Variants in CNTLN observed in about 807,000 individuals in gnomAD.
CNTLN encodes centlein, centrosomal protein.
In CNTLN, 212 loss-of-function variants were observed where a neutral mutation model predicts 180.0. That is an observed-to-expected ratio of 1.18 (90% CI 1.05 to 1.32). The LOEUF (loss-of-function observed/expected upper bound fraction) is 1.32, where lower values mean the gene tolerates loss of function less well. CNTLN is among the 40% of genes most tolerant of loss of function. The probability of loss-of-function intolerance (pLI) is 0.00; values close to 1 mark genes in which losing one functional copy is unlikely to be tolerated. For synonymous variants in CNTLN, 722 were observed against 563.1 expected (o/e 1.28, Z -3.99); for missense variants, 2,095 against 1,610.9 (o/e 1.30, Z -5.14).
intron 12 of CNTLN, among the ~76,000 whole-genome samples, chr9:17,348,388 A>T (rs1161314231): frequency 6.6e-6 from 1 of 152,138 alleles, no homozygotes; most frequent in Non-Finnish European, 1.5e-5. Flanking sequence ...TCACGTCAAT[A>T]CTACTAGGAA....
intron 8 of CNTLN, among the ~76,000 whole-genome samples, chr9:17,312,365 T>TATATA (rs1563984878): frequency 2.8e-4 from 2 of 7,210 alleles, no homozygotes; most frequent in African/African-American, 4.6e-4. Context: ...ATATATATAT[T>TATATA]ATATATATAT....
At chr9:17,209,173 TTCA>T (rs1056960352) in intron 2 of CNTLN, among the ~76,000 whole-genome samples, 4 of 152,190 alleles carry the variant, frequency 2.6e-5, no homozygotes, top group Non-Finnish European at 4.4e-5. Context: ...TCTTAATTTC[TTCA>T]TCGTCATTCA....
At chr9:17,168,647 T>C (rs1165360161) in intron 2 of CNTLN, 1 of 152,256 alleles carries the variant, frequency 6.6e-6, no homozygotes, top group Non-Finnish European at 1.5e-5. Context: ...ATTTATTATT[T>C]TGAAACTCTT....
chr9:17,511,671 C>T, the CNTLN span, among the ~76,000 whole-genome samples: 9 of 151,496 alleles, frequency 5.9e-5, no homozygotes, highest in Non-Finnish European at 1.2e-4. Context: ...CACACACACA[C>T]GCACACGTGC....
At chr9:17,216,205 C>G (rs775145741) in intron 2 of CNTLN, among the ~76,000 whole-genome samples, 1 of 152,104 alleles carries the variant, frequency 6.6e-6, no homozygotes. Flanking sequence ...GTCCCCCAGG[C>G]TATTTTTAAT....
In CNTLN at chr9:17,395,036, G is replaced by T; in HGVS notation, c.2582G>T (p.Ser861Ile). The T allele has an allele frequency of 2.5e-6, 4 of 1,611,916 alleles. No individual in the cohort carries two copies. The highest frequency in any genetic ancestry group is 2.5e-6 in the Non-Finnish European group (3 of 1,178,406). Residue 861 changes from serine to isoleucine, a missense_variant, in exon 15 of 26, where the codon AGC becomes ATC. Coordinates refer to ENST00000380647, the MANE Select transcript of CNTLN (RefSeq NM_017738.4). ...KVMSNVFENL[S>I]KDGWEDVSES... ...ATGAGCAATGTGTTTGAGAACCTCAGCAAGGACGGCTGGGAGGATGTGAGT... is the reference window on the plus strand; with the variant it reads ...ATGAGCAATGTGTTTGAGAACCTCATCAAGGACGGCTGGGAGGATGTGAGT...
At chr9:17,409,938 A>C (rs1474307058) in intron 16 of CNTLN, among the ~76,000 whole-genome samples, 1 of 152,132 alleles carries the variant, frequency 6.6e-6, no homozygotes, top group East Asian at 1.9e-4. Flanking sequence ...TCATGGCACC[A>C]AATGTTTACC....
intron 2 of CNTLN, among the ~76,000 whole-genome samples, chr9:17,172,128 G>A (rs146302109): frequency 6.6e-6 from 1 of 152,080 alleles, no homozygotes; most frequent in African/African-American, 2.4e-5. Flanking sequence ...CTTCTTCTAG[G>A]GGGTGGTTAT....
intron 13 of CNTLN, among the ~76,000 whole-genome samples, chr9:17,378,546 A>G (rs937262561): frequency 4.6e-5 from 7 of 152,040 alleles, no homozygotes; most frequent in Non-Finnish European, 1.0e-4. Context: ...TGTTGTTTTC[A>G]ATTTATTGTC....
intron 23 of CNTLN, among the ~76,000 whole-genome samples, chr9:17,473,884 G>T (rs1832176490): frequency 6.6e-6 from 1 of 152,156 alleles, no homozygotes; most frequent in Non-Finnish European, 1.5e-5. Flanking sequence ...GGGAGCATTT[G>T]ATATCGTTGA....
At chr9:17,362,681 T>G (rs1421823594) in intron 12 of CNTLN, among the ~76,000 whole-genome samples, 1 of 152,140 alleles carries the variant, frequency 6.6e-6, no homozygotes, top group Non-Finnish European at 1.5e-5. Flanking sequence ...TTTTTGATCA[T>G]TGTGTGATGA....
At chr9:17,294,261 C>G (rs993131215) in intron 6 of CNTLN, among the ~76,000 whole-genome samples, 1 of 152,036 alleles carries the variant, frequency 6.6e-6, no homozygotes, top group Non-Finnish European at 1.5e-5. Context: ...CCACTGCTGG[C>G]TCTGGCAGCC....
At chr9:17,458,108 C>T (rs1831243703) in intron 19 of CNTLN, among the ~76,000 whole-genome samples, 2 of 151,990 alleles carry the variant, frequency 1.3e-5, no homozygotes, top group African/African-American at 2.4e-5. Context: ...GAAACCAACC[C>T]ACTTTTGCTC....
intron 15 of CNTLN, among the ~76,000 whole-genome samples, chr9:17,398,875 A>G (rs1826742213): frequency 1.3e-5 from 2 of 152,212 alleles, no homozygotes; most frequent in African/African-American, 2.4e-5. Context: ...AAGCTCTCTT[A>G]TCTCCCGCTA....
At chr9:17,375,135 G>T (rs1317385974) in intron 13 of CNTLN, among the ~76,000 whole-genome samples, 1 of 152,124 alleles carries the variant, frequency 6.6e-6, no homozygotes, top group Non-Finnish European at 1.5e-5. Context: ...GATGAAATTG[G>T]AGGTCATTGT....
intron 15 of CNTLN, among the ~76,000 whole-genome samples, chr9:17,396,996 T>C (rs993841004): frequency 2.0e-5 from 3 of 152,172 alleles, no homozygotes; most frequent in African/African-American, 7.2e-5. Context: ...TATCTTTATA[T>C]CTCATTATTC....
At chr9:17,144,851 T>C (rs1007356173) in intron 2 of CNTLN, among the ~76,000 whole-genome samples, 15 of 150,962 alleles carry the variant, frequency 9.9e-5, no homozygotes, top group African/African-American at 3.4e-4. Context: ...ATTTTTTTTT[T>C]TGAGACGGAG....
intron 6 of CNTLN, among the ~76,000 whole-genome samples, chr9:17,284,223 G>C (rs1477474076): frequency 6.6e-6 from 1 of 151,954 alleles, no homozygotes; most frequent in African/African-American, 2.4e-5. Context: ...CAGGGATATT[G>C]GCCTGAAGTT....
intron 2 of CNTLN, among the ~76,000 whole-genome samples, chr9:17,145,771 G>C (rs1283755361): frequency 6.6e-6 from 1 of 152,122 alleles, no homozygotes; most frequent in Non-Finnish European, 1.5e-5. Context: ...ACAGTTTCTA[G>C]GATGCCAGAT....
Sources: gnomAD v4.1 joint callset for allele counts (sites outside exome capture counted in the v4.1 genomes callset) on GRCh38, gnomAD v4.1.1 for gene constraint, MANE v1.5 for transcripts, NCBI Gene and HGNC (gene_info 2026-07-23, HGNC 2026-07-21) for gene names.